The following MGST1 variants were observed in gnomAD, a reference collection of about 807,000 sequenced individuals.
MGST1 encodes glutathione S-transferase 12.
Under a neutral mutation model 8.9 loss-of-function variants are expected in MGST1, and 5 were observed. That is an observed-to-expected ratio of 0.56 (90% CI 0.29 to 1.19). The LOEUF (loss-of-function observed/expected upper bound fraction) is 1.19. Among genes scored for constraint, MGST1 ranks in the 50% most tolerant of loss-of-function variants. The probability of loss-of-function intolerance (pLI) is 0.08; values close to 1 mark genes in which losing one functional copy is unlikely to be tolerated. For missense variants in MGST1, 182 were observed against 187.4 expected (o/e 0.97, Z 0.17); for synonymous variants, 54 against 67.8 (o/e 0.80, Z 1.00).
chr12:16,380,016 C>T (rs1452404693), downstream of MGST1, among the ~76,000 whole-genome samples: 1 of 152,066 alleles, frequency 6.6e-6, no homozygotes, highest in Non-Finnish European at 1.5e-5. Flanking sequence ...TTTTTTATTG[C>T]ATCTATTTGA....
At chr12:16,455,311 C>T (rs575423763) in intron 4 of MGST1, among the ~76,000 whole-genome samples, 2 of 151,828 alleles carry the variant, frequency 1.3e-5, no homozygotes, top group Non-Finnish European at 2.9e-5. Flanking sequence ...CTATTTTGAT[C>T]TCCATTTTTA....
intron 1 of MGST1, chr12:16,400,460 A>T: frequency 1.3e-6 from 1 of 798,832 alleles, no homozygotes; most frequent in Non-Finnish European, 2.3e-6. Flanking sequence ...GAATTACTCC[A>T]GTTTAGATTG....
chr12:16,496,480 G>T (rs1331380804), intron 4 of MGST1, among the ~76,000 whole-genome samples: 2 of 152,056 alleles, frequency 1.3e-5, no homozygotes, highest in African/African-American at 4.8e-5. Flanking sequence ...TTTTTGAAAT[G>T]ATTTAAACTT....
At chr12:16,579,087 AAAAGGCACTGATTAT>A (rs1943082520) in intron 4 of MGST1, among the ~76,000 whole-genome samples, 1 of 152,156 alleles carries the variant, frequency 6.6e-6, no homozygotes, top group African/African-American at 2.4e-5. Context: ...TAGTTTTTTA[AAAAGGCACTGATTAT>A]AAAGGTCATA....
chr12:16,385,267 T>C (rs370196982), intron 1 of MGST1, among the ~76,000 whole-genome samples: 1 of 152,210 alleles, frequency 6.6e-6, no homozygotes, highest in South Asian at 2.1e-4. Flanking sequence ...TAAGAAATAG[T>C]TTGAACTGCA....
Position 16,364,347 on chromosome 12 carries a change from C to T in MGST1, c.*306C>T, listed in dbSNP as rs951163022. 9.2e-5 allele frequency: 94 copies of T among 1,027,176 alleles called. No homozygotes were observed. Among genetic ancestry groups the T allele is most frequent in the Middle Eastern group, 4.6e-4 (1 of 2,172 alleles). The allele number at this position is 1,027,176 out of a possible 1,614,324, so 63.6% of individuals were successfully genotyped here. A position where few individuals can be genotyped will look rare whatever the true frequency, so the allele number is the denominator to read the frequency against. The stretch of plus-strand genomic sequence containing the variant: ...CTTTTGAATCTATAAAAGAATTGCA[C>T]GTATGAGAAACCTATATTTCAATAC... On this transcript the variant is annotated 3_prime_UTR_variant, in exon 4 of 4. Coordinates refer to ENST00000396210, the MANE Select transcript of MGST1 (RefSeq NM_020300.5). This position sits in a 1 kb window ranked among gnomAD's most constrained non-coding sequence, Gnocchi z 5.7.
chr12:16,485,092 C>T (rs1057009011), intron 4 of MGST1, among the ~76,000 whole-genome samples: 2 of 152,232 alleles, frequency 1.3e-5, no homozygotes, highest in East Asian at 3.8e-4. Flanking sequence ...ATTCCCTCAG[C>T]TGTCATTTAC....
At chr12:16,469,898 CA>C (rs1203785527) in intron 4 of MGST1, among the ~76,000 whole-genome samples, 1 of 152,126 alleles carries the variant, frequency 6.6e-6, no homozygotes, top group Non-Finnish European at 1.5e-5. Flanking sequence ...AACACACGCA[CA>C]AAAATGTAAG....
chr12:16,400,990 T>C (rs575318362), intron 1 of MGST1: 8 of 1,499,260 alleles, frequency 5.3e-6, no homozygotes, highest in South Asian at 1.1e-5. Context: ...CTAGTTCTTT[T>C]TGATGTGCTC....
At chr12:16,480,842 A>C (rs993441907) in intron 4 of MGST1, among the ~76,000 whole-genome samples, 2 of 152,204 alleles carry the variant, frequency 1.3e-5, no homozygotes, top group Admixed American at 6.5e-5. Flanking sequence ...AGGCCCAGGC[A>C]GGAGGACCAT....
In MGST1 at chr12:16,537,594, A is replaced by G. The variant is rs867768118; in HGVS notation, n.483-51934A>G. Among the ~76,000 whole-genome samples the G allele has an allele frequency of 2.0e-5, 3 of 152,194 alleles. No homozygotes were observed. Among genetic ancestry groups the G allele is most frequent in the African/African-American group, 7.2e-5 (3 of 41,456 alleles). On this transcript the variant is annotated intron_variant and non_coding_transcript_variant, in intron 4 of 4. Coordinates refer to the MGST1 transcript ENST00000538857. This position sits in a 1 kb window ranked among gnomAD's most constrained non-coding sequence, Gnocchi z 4.6. ...TTTGCCTGGACATTCAGGCATTTCC[A>G]TACATACATTGAAATCTAGGTGGAG...
chr12:16,446,279 T>TA (rs1432330090), intron 4 of MGST1, among the ~76,000 whole-genome samples: 1 of 151,918 alleles, frequency 6.6e-6, no homozygotes, highest in African/African-American at 2.4e-5. Context: ...GCAGAGTGAC[T>TA]AAGGAAATTA....
At chr12:16,373,675 C>G (rs1940334858) in intron 3 of MGST1, among the ~76,000 whole-genome samples, 1 of 151,996 alleles carries the variant, frequency 6.6e-6, no homozygotes, top group Non-Finnish European at 1.5e-5. Flanking sequence ...TGAAATTTCT[C>G]TCATTATTTT....
At chr12:16,454,302 T>C (rs563427505) in intron 4 of MGST1, among the ~76,000 whole-genome samples, 46 of 152,088 alleles carry the variant, frequency 3.0e-4, no homozygotes, top group South Asian at 2.7e-3. Flanking sequence ...AGGTTTGGAC[T>C]ACATATTTCA....
chr12:16,387,596 G>T (rs1464805917), intron 1 of MGST1, among the ~76,000 whole-genome samples: 1 of 150,548 alleles, frequency 6.6e-6, no homozygotes. Context: ...GGGCTATCTC[G>T]GCTCACTGCA....
At chr12:16,483,680 T>C (rs1438643106) in intron 4 of MGST1, among the ~76,000 whole-genome samples, 1 of 152,170 alleles carries the variant, frequency 6.6e-6, no homozygotes, top group Non-Finnish European at 1.5e-5. Flanking sequence ...TAAACAAATA[T>C]GCATGAATAA....
chr12:16,538,825 G>T (rs1039553036), intron 4 of MGST1, among the ~76,000 whole-genome samples: 1 of 151,964 alleles, frequency 6.6e-6, no homozygotes, highest in Non-Finnish European at 1.5e-5. Context: ...AGCCAGGAGG[G>T]TATCGATCTC....
chr12:16,350,735 C>G (rs1388676700), intron 1 of MGST1: 1 of 152,210 alleles, frequency 6.6e-6, no homozygotes, highest in Non-Finnish European at 1.5e-5. Flanking sequence ...TGCTCATTAC[C>G]TGGCTCTTGG....
intron 4 of MGST1, among the ~76,000 whole-genome samples, chr12:16,581,251 T>C (rs1022530193): frequency 6.6e-6 from 1 of 152,004 alleles, no homozygotes; most frequent in African/African-American, 2.4e-5. Context: ...TAAGGATGGG[T>C]TCTGGAGTCA....
Sources: gnomAD v4.1 joint callset for allele counts (sites outside exome capture counted in the v4.1 genomes callset) on GRCh38, gnomAD v4.1.1 for gene constraint, Gnocchi (gnomAD v3.1) non-coding constraint, MANE v1.5 for transcripts, NCBI Gene and HGNC (gene_info 2026-07-23, HGNC 2026-07-21) for gene names.